The following CADM1 variants were observed in gnomAD, a reference collection of about 807,000 sequenced individuals.
The protein encoded by CADM1 is TSLC-1.
In CADM1, 15 loss-of-function variants were observed where a neutral mutation model predicts 53.1. That is an observed-to-expected ratio of 0.28 (90% CI 0.19 to 0.44). The LOEUF is 0.44. CADM1 is among the 20% of genes least tolerant of loss of function. The pLI is 1.00. For missense variants in CADM1, 434 were observed against 611.3 expected (o/e 0.71, Z 3.06); for synonymous variants, 281 against 243.0 (o/e 1.16, Z -1.45).
chr11:115,184,654 C>T (rs1035688009), intron 10 of CADM1, among the ~76,000 whole-genome samples: 1 of 152,122 alleles, frequency 6.6e-6, no homozygotes, highest in Admixed American at 6.5e-5. Context: ...ATATAGCATC[C>T]CAGGCATCTA....
intron 1 of CADM1, among the ~76,000 whole-genome samples, chr11:115,482,525 G>C (rs1050636765): frequency 2.0e-5 from 3 of 152,152 alleles, no homozygotes; most frequent in African/African-American, 7.2e-5. Context: ...CTCTTAAACA[G>C]TACTTCCTGA....
intron 1 of CADM1, among the ~76,000 whole-genome samples, chr11:115,495,498 G>T (rs1298593233): frequency 6.6e-6 from 1 of 152,184 alleles, no homozygotes; most frequent in Admixed American, 6.5e-5. Context: ...CCAGATAAAG[G>T]CTTTGAAAAG....
chr11:115,459,458 C>T (rs1195502573), intron 1 of CADM1, among the ~76,000 whole-genome samples: 3 of 152,126 alleles, frequency 2.0e-5, no homozygotes, highest in Non-Finnish European at 4.4e-5. Flanking sequence ...CTCAGACCTG[C>T]CTTTCTCTCA....
intron 1 of CADM1, among the ~76,000 whole-genome samples, chr11:115,324,967 C>T (rs1344101562): frequency 6.6e-6 from 1 of 152,172 alleles, no homozygotes. Flanking sequence ...GCTTTTTCCC[C>T]TTTAAGTGCC....
intron 9 of CADM1, among the ~76,000 whole-genome samples, chr11:115,198,123 G>A (rs1940248310): frequency 6.6e-6 from 1 of 152,150 alleles, no homozygotes; most frequent in South Asian, 2.1e-4. Flanking sequence ...TTCAAGGTTT[G>A]GTGGAGTTTT....
chr11:115,233,914 C>A (rs893639300), intron 3 of CADM1, among the ~76,000 whole-genome samples: 1 of 152,316 alleles, frequency 6.6e-6, no homozygotes, highest in Non-Finnish European at 1.5e-5. Flanking sequence ...CCGGGAAATC[C>A]CTAGGGAATG....
At chr11:115,220,063 G>T (rs1035588723) in intron 5 of CADM1, among the ~76,000 whole-genome samples, 15 of 152,120 alleles carry the variant, frequency 9.9e-5, no homozygotes, top group Admixed American at 4.6e-4. Flanking sequence ...GTTAATCTCT[G>T]ATCTACAGAA....
chr11:115,238,881 CAT>C (rs138598185), intron 2 of CADM1, among the ~76,000 whole-genome samples: 2,366 of 151,248 alleles, frequency 0.016, 58 homozygotes, highest in African/African-American at 0.05. Flanking sequence ...TATATGCACA[CAT>C]ATATATATAT....
chr11:115,198,555 A>G (rs1940271938), intron 8 of CADM1, 117 bp from the exon 9 acceptor site: 1 of 742,910 alleles, frequency 1.3e-6, no homozygotes, highest in African/African-American at 1.7e-5. Context: ...TTCAAAGAAC[A>G]TCGCGTGACA....
At chr11:115,336,414 T>A (rs553478732) in intron 1 of CADM1, among the ~76,000 whole-genome samples, 1 of 152,194 alleles carries the variant, frequency 6.6e-6, no homozygotes, top group Admixed American at 6.6e-5. Flanking sequence ...TCAGAGGTTA[T>A]AAAAGACTTT....
intron 8 of CADM1, among the ~76,000 whole-genome samples, chr11:115,199,254 C>G (rs999908): frequency 0.041 from 6,202 of 152,254 alleles, 404 homozygotes; most frequent in African/African-American, 0.14. Context: ...ATTTAAGTAT[C>G]CAGCCATCCT....
intron 1 of CADM1, among the ~76,000 whole-genome samples, chr11:115,283,951 T>C (rs1943652386): frequency 6.6e-6 from 1 of 152,176 alleles, no homozygotes. Flanking sequence ...CTGAATGCAA[T>C]GGACAAGTGA....
chr11:115,484,676 G>A (rs1214934273), intron 1 of CADM1, among the ~76,000 whole-genome samples: 3 of 152,088 alleles, frequency 2.0e-5, no homozygotes, highest in South Asian at 2.1e-4. Context: ...GGCCGGGCGC[G>A]GTGGCTCATG....
intron 1 of CADM1, among the ~76,000 whole-genome samples, chr11:115,291,845 A>G (rs1419729230): frequency 6.6e-6 from 1 of 152,258 alleles, no homozygotes; most frequent in Admixed American, 6.5e-5. Context: ...TGACAAAAAA[A>G]TTAAAAATGA....
chr11:115,325,132 T>C (rs905757636), intron 1 of CADM1, among the ~76,000 whole-genome samples: 3 of 152,162 alleles, frequency 2.0e-5, no homozygotes, highest in African/African-American at 7.2e-5. Flanking sequence ...ATAGAAGAAA[T>C]GTTAACCAAC....
intron 1 of CADM1, among the ~76,000 whole-genome samples, chr11:115,379,658 T>C (rs1180272601): frequency 6.6e-6 from 1 of 152,192 alleles, no homozygotes; most frequent in Non-Finnish European, 1.5e-5. Flanking sequence ...AACCCTGTGT[T>C]ATGAAGACAT....
intron 1 of CADM1, among the ~76,000 whole-genome samples, chr11:115,316,195 G>A (rs1196908605): frequency 6.6e-6 from 1 of 152,128 alleles, no homozygotes; most frequent in Non-Finnish European, 1.5e-5. Context: ...GGCTTTGGGG[G>A]ACTCACCCCT....
At chr11:115,485,256 G>A (rs899525749) in intron 1 of CADM1, among the ~76,000 whole-genome samples, 8 of 152,074 alleles carry the variant, frequency 5.3e-5, no homozygotes, top group African/African-American at 1.9e-4. Context: ...TGTTTATCTT[G>A]TTACCAACAC....
At chr11:115,199,331 G>A (rs1366757293) in intron 8 of CADM1, among the ~76,000 whole-genome samples, 4 of 152,238 alleles carry the variant, frequency 2.6e-5, no homozygotes, top group African/African-American at 9.6e-5. Flanking sequence ...CATGGCTGGA[G>A]TAGGAGAGAG....
Sources: allele counts gnomAD v4.1 joint callset (sites outside exome capture counted in the v4.1 genomes callset), GRCh38; gene constraint gnomAD v4.1.1; transcripts MANE v1.5; gene names NCBI Gene and HGNC (gene_info 2026-07-23, HGNC 2026-07-21).